NDE1: variants seen among roughly 807,000 people sequenced by gnomAD.
The protein encoded by NDE1 is nudE neurodevelopment protein 1, also known as nuclear distribution protein nudE homolog 1.
A neutral mutation model predicts 43.4 loss-of-function variants in NDE1; 28 were observed. The observed-to-expected ratio is 0.65, with a 90% CI of 0.48 to 0.89. The LOEUF (loss-of-function observed/expected upper bound fraction) is 0.89. Among genes scored for constraint, NDE1 ranks in the 40% least tolerant of loss-of-function variants. NDE1 has a pLI of 0.00. For synonymous variants in NDE1, 184 were observed against 172.0 expected, an observed-to-expected ratio of 1.07 and a Z score of -0.55; for missense variants, 441 against 434.1, an observed-to-expected ratio of 1.02 and a Z score of -0.14.
intron 3 of NDE1, among the ~76,000 whole-genome samples, chr16:15,670,242 G>A (rs1046788465): frequency 1.3e-5 from 2 of 152,168 alleles, no homozygotes; most frequent in African/African-American, 4.8e-5. Context: ...CCCAGGGCTA[G>A]GTATGATGGA....
chr16:15,717,257 T>G, intron 8 of NDE1: 1 of 1,614,138 alleles, frequency 6.2e-7, no homozygotes, highest in East Asian at 2.2e-5. Context: ...GCTCCGGAGC[T>G]CCTTGTTCTG....
intron 8 of NDE1, among the ~76,000 whole-genome samples, chr16:15,700,664 T>G (rs938812405): frequency 1.6e-4 from 25 of 151,816 alleles, no homozygotes; most frequent in African/African-American, 6.0e-4. Flanking sequence ...TTGGCCATGC[T>G]GGTCTTGAAC....
At chr16:15,648,722 C>T (rs376991259), upstream of NDE1, among the ~76,000 whole-genome samples, 1 of 152,082 alleles carries the variant, frequency 6.6e-6, no homozygotes, top group African/African-American at 2.4e-5. Flanking sequence ...ACAAGAAAAT[C>T]GCTTGAATCT....
chr16:15,699,832 G>A (rs772130206), intron 8 of NDE1: 3 of 1,349,314 alleles, frequency 2.2e-6, no homozygotes, highest in South Asian at 2.3e-5. Context: ...GGAAAACCAC[G>A]GAAGCTGAAG....
chr16:15,697,727 T>C (rs1200236583), intron 8 of NDE1, among the ~76,000 whole-genome samples: 1 of 151,796 alleles, frequency 6.6e-6, no homozygotes, highest in African/African-American at 2.4e-5. Flanking sequence ...AGTTAATTAA[T>C]TAGTTAAATA....
intron 1 of NDE1, among the ~76,000 whole-genome samples, chr16:15,659,919 T>C (rs1262082161): frequency 6.6e-6 from 1 of 151,764 alleles, no homozygotes; most frequent in Non-Finnish European, 1.5e-5. Context: ...CGCCTAATTT[T>C]TGTATTTTTA....
intron 3 of NDE1, among the ~76,000 whole-genome samples, chr16:15,671,402 C>G (rs1035853360): frequency 6.6e-6 from 1 of 152,026 alleles, no homozygotes; most frequent in South Asian, 2.1e-4. Context: ...CTAAGCTACT[C>G]AAGAGGCTGA....
intron 8 of NDE1, chr16:15,721,079 T>G (rs1456451255): frequency 1.9e-6 from 3 of 1,608,556 alleles, no homozygotes; most frequent in Middle Eastern, 1.6e-4. Flanking sequence ...AGCCCCATTC[T>G]ATGAGGCTCA....
rs908614653 is a variant in NDE1 at position 15,664,878 on chromosome 16, C to A, written c.83+17C>A. ...CAAACAGAGGTCAGTCCGAGTTCAC[C>A]TGCTTTTCCTTTTTTTTTTTTTTTT... On this transcript the variant is annotated intron_variant, in intron 2 of 8. Coordinates refer to ENST00000396354, the MANE Select transcript of NDE1 (RefSeq NM_017668.3). 9 of 1,571,486 alleles carry A rather than the reference C, an allele frequency of 5.7e-6. No homozygotes were observed. In the African/African-American group the frequency reaches 1.2e-4, roughly 22 times the overall value.
chr16:15,682,428 C>T (rs1282811284), intron 4 of NDE1, among the ~76,000 whole-genome samples: 2 of 152,200 alleles, frequency 1.3e-5, no homozygotes, highest in South Asian at 2.1e-4. Context: ...ATATTTAGAA[C>T]GTTTGACAGT....
intron 3 of NDE1, among the ~76,000 whole-genome samples, chr16:15,675,396 C>T (rs919451307): frequency 6.7e-6 from 1 of 148,926 alleles, no homozygotes; most frequent in Non-Finnish European, 1.5e-5. Context: ...TACGGGGTTT[C>T]GCCATGTTGC....
intron 5 of NDE1, among the ~76,000 whole-genome samples, chr16:15,689,297 C>G (rs1391225791): frequency 1.3e-5 from 2 of 152,062 alleles, no homozygotes; most frequent in African/African-American, 2.4e-5. Flanking sequence ...CAAGATGAGC[C>G]TGGACAACAT....
upstream of NDE1, chr16:15,650,226 CG>C (rs1412735865): frequency 9.2e-6 from 2 of 218,006 alleles, no homozygotes; most frequent in South Asian, 5.6e-5. Context: ...TCCGGAGGGC[CG>C]GGGCCGCACC....
chr16:15,680,324 C>T (rs2038111224), intron 4 of NDE1, among the ~76,000 whole-genome samples: 1 of 152,070 alleles, frequency 6.6e-6, no homozygotes, highest in Non-Finnish European at 1.5e-5. Context: ...ATTTCTATCC[C>T]TGGAGCTTTA....
Position 15,708,881 on chromosome 16 carries a change from A to C in NDE1, c.947+12021A>C, listed in dbSNP as rs143607223. 3.1e-5 allele frequency: 49 copies of C among 1,587,436 alleles called. No homozygotes were observed. The East Asian group carries it at 1.1e-3, about 36-fold the overall frequency. ...GAATCCCCGGAGGTTACCATCAGCA[A>C]ACAAGAAGGAGCCCGGTTAAGTATA... On this transcript the variant is annotated intron_variant, in intron 8 of 8. Coordinates refer to ENST00000396354, the MANE Select transcript of NDE1 (RefSeq NM_017668.3).
At chr16:15,663,083 C>T (rs1415506131) in intron 1 of NDE1, among the ~76,000 whole-genome samples, 1 of 152,072 alleles carries the variant, frequency 6.6e-6, no homozygotes, top group Non-Finnish European at 1.5e-5. Context: ...GTGACTTAGC[C>T]CCTTTATTTC....
At chr16:15,659,546 C>T (rs559186233) in intron 1 of NDE1, among the ~76,000 whole-genome samples, 107 of 141,918 alleles carry the variant, frequency 7.5e-4, no homozygotes, top group African/African-American at 2.6e-3. Flanking sequence ...AAGTGATTCT[C>T]CCGCCTCAGC....
rs549717370 is a variant in NDE1 at position 15,687,612 on chromosome 16, A to C, written c.523+101A>C. 3 of 1,153,174 alleles carry C rather than the reference A, an allele frequency of 2.6e-6. No individual in the cohort carries two copies. In the African/African-American group the frequency reaches 4.6e-5, roughly 17 times the overall value. The allele number at this position is 1,153,174 out of a possible 1,614,324, so 71.4% of individuals were successfully genotyped here. On this transcript the variant is annotated intron_variant, in intron 5 of 8. Transcript: ENST00000396354. ...CCAGCATTATCTTTACAGGGACCCC[A>C]CACCCTGCTCTGCACCCAGGTTGTC... is the stretch of plus-strand genomic sequence containing the variant.
intron 8 of NDE1, among the ~76,000 whole-genome samples, chr16:15,709,285 C>G (rs939532701): frequency 6.6e-6 from 1 of 151,756 alleles, no homozygotes; most frequent in Non-Finnish European, 1.5e-5. Flanking sequence ...AGTGAATCAC[C>G]TGACGCCAAG....
Sources: gnomAD v4.1 joint callset for allele counts (sites outside exome capture counted in the v4.1 genomes callset) on GRCh38, gnomAD v4.1.1 for gene constraint, MANE v1.5 for transcripts, NCBI Gene and HGNC (gene_info 2026-07-23, HGNC 2026-07-21) for gene names.